PCDHGB2: variants seen among roughly 807,000 people sequenced by gnomAD.
PCDHGB2 encodes protocadherin gamma-B2.
PCDHGB2 carries 55 observed loss-of-function variants against 59.3 expected under a neutral mutation model. That is an observed-to-expected ratio of 0.93 (90% CI 0.75 to 1.16). The LOEUF is 1.16. Among genes scored for constraint, PCDHGB2 ranks in the 50% most tolerant of loss-of-function variants. PCDHGB2 has a pLI of 0.00. For synonymous variants in PCDHGB2, 516 were observed against 512.0 expected (o/e 1.01, Z -0.11); for missense variants, 1,228 against 1,198.5 (o/e 1.02, Z -0.36).
rs762238827 is a variant in PCDHGB2 at position 141,487,202 on chromosome 5, C to T, written c.2422-7605C>T. ...CACTCATCCAGTTGTCCCAGATCTT[C>T]GAGAATCTTCAGCTCCAAGGGAAGG... On this transcript the variant is annotated intron_variant, in intron 1 of 3. Coordinates refer to ENST00000522605, the MANE Select transcript of PCDHGB2 (RefSeq NM_018923.3). This position sits in a 1 kb window ranked among gnomAD's most constrained non-coding sequence, Gnocchi z 5.0. 7 of 1,613,660 alleles carry T rather than the reference C, an allele frequency of 4.3e-6. No homozygotes were observed. The highest frequency in any genetic ancestry group is 1.7e-5 in the Admixed American group (1 of 59,992).
At chr5:141,467,055 C>CTTTTTTTTTTT (rs1193465269) in intron 1 of PCDHGB2, among the ~76,000 whole-genome samples, 1 of 134,498 alleles carries the variant, frequency 7.4e-6, no homozygotes, top group Non-Finnish European at 1.6e-5. Context: ...TCAATGTTTT[C>CTTTTTTTTTTT]TTTTTTTTTT....
chr5:141,469,404 G>A (rs1439441297), intron 1 of PCDHGB2, among the ~76,000 whole-genome samples: 7 of 151,874 alleles, frequency 4.6e-5, no homozygotes, highest in African/African-American at 1.5e-4. Flanking sequence ...GTGAAACCCC[G>A]TTTCTACTAA....
Position 141,491,665 on chromosome 5 carries a change from C to G in PCDHGB2, c.2422-3142C>G. The stretch of plus-strand genomic sequence containing the variant: ...TCTGGCGCTGGAGCCTGACGCCATC[C>G]GGTCCCGCTCTAATACGCTGCGGGA... On this transcript the variant is annotated intron_variant, in intron 1 of 3. Transcript: ENST00000522605. This position sits in a 1 kb window ranked among gnomAD's most constrained non-coding sequence, Gnocchi z 6.9. 1 of 1,613,764 alleles carries G rather than the reference C, an allele frequency of 6.2e-7. No homozygotes were observed. Among genetic ancestry groups the G allele is most frequent in the Non-Finnish European group, 8.5e-7 (1 of 1,180,000 alleles).
Position 141,432,911 on chromosome 5 carries a change from C to G in PCDHGB2, c.2422-61896C>G. 5 of 1,614,176 alleles carry G rather than the reference C, an allele frequency of 3.1e-6. No homozygotes were observed. Among genetic ancestry groups the G allele is most frequent in the Non-Finnish European group, 4.2e-6 (5 of 1,180,014 alleles). Reference sequence around the variant, plus strand: ...CTTGCTGCTGGCGCTCAGGCTGCGGCGCTGGCACAAGTCACGCCTGCTGCA... The same window carrying G: ...CTTGCTGCTGGCGCTCAGGCTGCGGGGCTGGCACAAGTCACGCCTGCTGCA... On this transcript the variant is annotated intron_variant, in intron 1 of 3. Transcript: ENST00000522605. This position sits in a 1 kb window ranked among gnomAD's most constrained non-coding sequence, Gnocchi z 6.0.
At position 141,477,498 on chromosome 5, in the gene PCDHGB2, C is replaced by T. The variant is rs754212608; in HGVS notation, c.2422-17309C>T. ...AACCCTCCACAATCTTCTCAATCTT[C>T]CTACGACGTTTACATTGAAGAAAAC... On this transcript the variant is annotated intron_variant, in intron 1 of 3. Coordinates refer to ENST00000522605, the MANE Select transcript of PCDHGB2 (RefSeq NM_018923.3). The surrounding 1 kb of genome is among the most constrained non-coding windows in gnomAD (Gnocchi z 4.9). 3.7e-6 allele frequency: 6 copies of T among 1,614,038 alleles called. No individual in the cohort carries two copies. The highest frequency in any genetic ancestry group is 5.1e-6 in the Non-Finnish European group (6 of 1,180,038).
chr5:141,423,804 T>C (rs571396807), intron 1 of PCDHGB2: 50 of 1,240,508 alleles, frequency 4.0e-5, no homozygotes, highest in African/African-American at 2.7e-4. Flanking sequence ...GAGCAATACA[T>C]GTGAGTTTTA....
intron 1 of PCDHGB2, chr5:141,395,509 G>C (rs59251876): frequency 0.091 from 39,157 of 428,204 alleles, 2,522 homozygotes; most frequent in African/African-American, 0.18. Flanking sequence ...TTAAGAAGTA[G>C]CTACCCGTCC....
At position 141,505,504 on chromosome 5, in the gene PCDHGB2, T is replaced by C. The variant is rs756583857; in HGVS notation, c.2569+23T>C. The C allele has an allele frequency of 9.3e-6, 15 of 1,614,020 alleles. No individual in the cohort carries two copies. The African/African-American group carries it at 1.2e-4, about 13-fold the overall frequency. ...GTGGTAAGTGGTGTCAGTGTGTGTA[T>C]GGAAGAGTGGGAGACCTGGGGTTCT... On this transcript the variant is annotated intron_variant, in intron 3 of 3. Transcript: ENST00000522605.
At chr5:141,403,645 A>G (rs2154534430) in intron 1 of PCDHGB2, 1 of 1,613,922 alleles carries the variant, frequency 6.2e-7, no homozygotes, top group South Asian at 1.1e-5. Flanking sequence ...TCCATGTGAC[A>G]GTGTTGGATA....
chr5:141,383,970 T>A (rs754557705), intron 1 of PCDHGB2: 1 of 1,613,730 alleles, frequency 6.2e-7, no homozygotes, highest in Admixed American at 1.7e-5. Context: ...GCTCAATCCC[T>A]GAAGACACAC....
chr5:141,491,817 G>T lies in PCDHGB2; in HGVS notation c.2422-2990G>T. On this transcript the variant is annotated intron_variant, in intron 1 of 3. Transcript: ENST00000522605. The surrounding 1 kb of genome is among the most constrained non-coding windows in gnomAD (Gnocchi z 6.9). ...TCTCCGGCCGGCTTGGTCGCTGGCT[G>T]CGCTCCACCCGATTCTCGGGATCAT... 1.3e-6 allele frequency: 2 copies of T among 1,484,188 alleles called. No homozygotes were observed. The highest frequency in any genetic ancestry group is 1.8e-6 in the Non-Finnish European group (2 of 1,117,664). 91.9% of individuals were successfully genotyped at this position (1,484,188 alleles called of 1,614,324 possible).
intron 1 of PCDHGB2, chr5:141,393,684 T>C (rs1399508154): frequency 9.9e-6 from 16 of 1,613,904 alleles, no homozygotes; most frequent in Non-Finnish European, 1.3e-5. Flanking sequence ...ACAAACTCCG[T>C]TATTCCAGCT....
intron 1 of PCDHGB2, chr5:141,393,113 G>C: frequency 6.2e-7 from 1 of 1,613,500 alleles, no homozygotes. Flanking sequence ...CTCAGAGCCC[G>C]CGGTGTCTGA....
At chr5:141,502,862 C>CTTTT (rs2154593209) in intron 2 of PCDHGB2, among the ~76,000 whole-genome samples, 1 of 68,550 alleles carries the variant, frequency 1.5e-5, no homozygotes, top group African/African-American at 9.9e-5. Flanking sequence ...CCCTGACTCT[C>CTTTT]TGTCTTTTTT....
At chr5:141,501,333 A>ACC (rs1554187333) in intron 2 of PCDHGB2, among the ~76,000 whole-genome samples, 192 of 140,118 alleles carry the variant, frequency 1.4e-3, no homozygotes, top group Admixed American at 5.6e-3. Flanking sequence ...ACACACACAC[A>ACC]CCCCAAACTC....
Position 141,360,896 on chromosome 5 carries a change from A to T in PCDHGB2, c.761A>T (p.Asp254Val). The change falls in exon 1 of 4, where the codon GAC becomes GTC. Residue 254 changes from aspartate (D) to valine (V), a missense_variant. Asp to Val is a radical substitution (Grantham distance 152). Around this residue, in one of 3 missense-constraint regions of PCDHGB2, gnomAD observed 781 missense variants for 721.6 expected, o/e 1.08. Coordinates refer to ENST00000522605, the MANE Select transcript of PCDHGB2 (RefSeq NM_018923.3). ...GTGTACAGGGTCACCCTGAGGGAGGACGTGCCGCCGGGCTTCTTTGTGCTT... is the reference window on the plus strand; with the variant it reads ...GTGTACAGGGTCACCCTGAGGGAGGTCGTGCCGCCGGGCTTCTTTGTGCTT... ...QDVYRVTLRE[D>V]VPPGFFVLQV... 1.2e-6 allele frequency: 2 copies of T among 1,614,014 alleles called. No homozygotes were observed. Among genetic ancestry groups the T allele is most frequent in the Non-Finnish European group, 1.7e-6 (2 of 1,179,904 alleles).
rs759437302 is a variant in PCDHGB2, at chr5:141,476,861, T to C, written c.2422-17946T>C. On this transcript the variant is annotated intron_variant, in intron 1 of 3. Transcript: ENST00000522605. The surrounding 1 kb of genome is among the most constrained non-coding windows in gnomAD (Gnocchi z 7.6). Reference sequence around the variant, plus strand: ...TGCGCCTGTCTTCAACCAGTCCTTGTACCGGGCGCGCGTCCTGGAGGATGC... The same window carrying C: ...TGCGCCTGTCTTCAACCAGTCCTTGCACCGGGCGCGCGTCCTGGAGGATGC... 6.2e-7 allele frequency: 1 copy of C among 1,613,864 alleles called. No individual in the cohort carries two copies. The highest frequency in any genetic ancestry group is 1.7e-5 in the Admixed American group (1 of 60,034).
chr5:141,415,740 GT>G (rs57426385), intron 1 of PCDHGB2: 12,894 of 617,008 alleles, frequency 0.021, 1 homozygote, highest in South Asian at 0.027. Flanking sequence ...GTTTATTAAG[GT>G]TTTTTTTTTT....
At chr5:141,418,630 A>G in intron 1 of PCDHGB2, 1 of 1,614,046 alleles carries the variant, frequency 6.2e-7, no homozygotes, top group Non-Finnish European at 8.5e-7. Context: ...ACGTGCCTCC[A>G]GGCACCTCCA....
Sources: allele counts gnomAD v4.1 joint callset (sites outside exome capture counted in the v4.1 genomes callset), GRCh38; gene constraint gnomAD v4.1.1; regional missense constraint gnomAD v4.1.1; non-coding constraint Gnocchi (gnomAD v3.1); transcripts MANE v1.5; gene names NCBI Gene and HGNC (gene_info 2026-07-23, HGNC 2026-07-21).